The following ARHGEF19 variants were observed in gnomAD, a reference collection of about 807,000 sequenced individuals.
ARHGEF19 encodes Rho guanine nucleotide exchange factor 19.
ARHGEF19 carries 92 observed loss-of-function variants against 87.6 expected under a neutral mutation model. The observed-to-expected ratio is 1.05, with a 90% CI of 0.89 to 1.25. The LOEUF (loss-of-function observed/expected upper bound fraction) is 1.25, where lower values mean the gene tolerates loss of function less well. ARHGEF19 is among the 50% of genes most tolerant of loss of function. The probability of loss-of-function intolerance (pLI) is 0.00; values close to 1 mark genes in which losing one functional copy is unlikely to be tolerated. For missense variants in ARHGEF19, 1,054 were observed against 1,051.8 expected, an observed-to-expected ratio of 1.00 and a Z score of -0.03; for synonymous variants, 438 against 446.2, an observed-to-expected ratio of 0.98 and a Z score of 0.23.
At position 16,207,667 on chromosome 1, in the gene ARHGEF19, G is replaced by A. The variant is rs1304255007; in HGVS notation, c.797+8C>T. 2.5e-6 allele frequency: 4 copies of A among 1,614,000 alleles called. No individual in the cohort carries two copies. In the East Asian group the frequency reaches 6.7e-5, roughly 27 times the overall value. On this transcript the variant is annotated splice_region_variant and intron_variant, in intron 4 of 15. Coordinates refer to ENST00000270747, the MANE Select transcript of ARHGEF19 (RefSeq NM_153213.5). This position sits in a 1 kb window ranked among gnomAD's most constrained non-coding sequence, Gnocchi z 4.0. ...GTCTCGGACCCAAGCCCAAACGGGA[G>A]GTGGTACCTGGGCTCGGACCAATCG...
Position 16,207,204 on chromosome 1 carries a change from A to G in ARHGEF19, c.881T>C (p.Leu294Pro), listed in dbSNP as rs1437465285. 6 of 1,523,086 alleles carry G rather than the reference A, an allele frequency of 3.9e-6. No homozygotes were observed. The highest frequency in any genetic ancestry group is 5.3e-6 in the Non-Finnish European group (6 of 1,140,314). The allele number at this position is 1,523,086 out of a possible 1,614,324, so 94.3% of individuals were successfully genotyped here. Residue 294 changes from leucine to proline, a missense_variant, in exon 6 of 16, where the codon CTC becomes CCC. Physicochemically the swap from Leu to Pro is moderately conservative, Grantham distance 98 (BLOSUM62 -3). Transcript: ENST00000270747. This position sits in a 1 kb window ranked among gnomAD's most constrained non-coding sequence, Gnocchi z 4.0. The part of the protein sequence containing the change: ...RQSRFLLNSV[L>P]YQEYSDVASA... Reference sequence around the variant, plus strand: ...GGCCACGTCGCTGTATTCCTGATAGAGGACGGCTGGGGGAAAGACGGGCGG... The same window carrying G: ...GGCCACGTCGCTGTATTCCTGATAGGGGACGGCTGGGGGAAAGACGGGCGG...
chr1:16,205,805 G>C lies in ARHGEF19; in HGVS notation c.1451+126C>G. 2 of 1,488,438 alleles carry C rather than the reference G, an allele frequency of 1.3e-6. No homozygotes were observed. Among genetic ancestry groups the C allele is most frequent in the Non-Finnish European group, 1.8e-6 (2 of 1,111,784 alleles). The allele number at this position is 1,488,438 out of a possible 1,614,324, so 92.2% of individuals were successfully genotyped here. On this transcript the variant is annotated intron_variant, in intron 8 of 15. Coordinates refer to ENST00000270747, the MANE Select transcript of ARHGEF19 (RefSeq NM_153213.5). This position sits in a 1 kb window ranked among gnomAD's most constrained non-coding sequence, Gnocchi z 5.8. ...TTGGGGTTGCATCTCACCTTATCCT[G>C]GTCACAGAGACCTTTTCAGGGACCC... is the stretch of plus-strand genomic sequence containing the variant.
intron 2 of ARHGEF19, 29 bp downstream of exon 2, chr1:16,208,614 C>G (rs766077517): frequency 6.4e-7 from 1 of 1,569,788 alleles, no homozygotes; most frequent in East Asian, 2.3e-5. Flanking sequence ...GCCATGGCAC[C>G]CACACCCGCC....
chr1:16,212,588 G>A lies in ARHGEF19; in HGVS notation c.-116C>T, dbSNP rs2081206623. 6.6e-6 allele frequency: 1 copy of A among 152,568 alleles called. No homozygotes were observed. Among genetic ancestry groups the A allele is most frequent in the South Asian group, 2.1e-4 (1 of 4,836 alleles). 9.5% of individuals were successfully genotyped at this position (152,568 alleles called of 1,614,324 possible). The stretch of plus-strand genomic sequence containing the variant: ...CTCTGGGGTTGCAGCCAAGTCCTCA[G>A]GGGGCGATGTCAGCATGTCAGCATG... On this transcript the variant is annotated 5_prime_UTR_variant, in exon 1 of 16. Coordinates refer to ENST00000270747, the MANE Select transcript of ARHGEF19 (RefSeq NM_153213.5).
intron 1 of ARHGEF19, among the ~76,000 whole-genome samples, 174 bp downstream of exon 1, chr1:16,212,328 G>A (rs1165732124): frequency 1.3e-5 from 2 of 152,208 alleles, no homozygotes; most frequent in African/African-American, 4.8e-5. Flanking sequence ...AATAAAGCCA[G>A]GTGGGAAGTC....
Position 16,204,866 on chromosome 1 carries a change from T to C in ARHGEF19, c.1800A>G (p.Val600=), listed in dbSNP as rs1393704790. Residue 600 remains valine, a synonymous_variant, in exon 12 of 16, where the codon GTA becomes GTG. Transcript: ENST00000270747. ...GTGCTGCAGGCAGTGGTGCCAGCTC[T>C]ACCAACTCTCCATGCCGAACCAGCC... ...ARWLVRHGEL[V]ELAPLPAAPP... 5 of 1,603,312 alleles carry C rather than the reference T, an allele frequency of 3.1e-6. No homozygotes were observed. Among genetic ancestry groups the C allele is most frequent in the Non-Finnish European group, 4.3e-6 (5 of 1,175,202 alleles).
Position 16,207,174 on chromosome 1 carries a change from G to T in ARHGEF19, c.911C>A (p.Ala304Asp). ...GCGCTGCTGCCGCCGCAGTTCGCGG[G>T]CGCTGGCCACGTCGCTGTATTCCTG... The part of the protein sequence containing the change: ...LYQEYSDVAS[A>D]RELRRQQREE... Residue 304 changes from alanine (A) to aspartate (D), a missense_variant, in exon 6 of 16, where the codon GCC (alanine) becomes GAC (aspartate). By Grantham distance (126) the Ala-to-Asp change is moderately radical. Coordinates refer to ENST00000270747, the MANE Select transcript of ARHGEF19 (RefSeq NM_153213.5). This position sits in a 1 kb window ranked among gnomAD's most constrained non-coding sequence, Gnocchi z 4.0. 3.3e-6 allele frequency: 5 copies of T among 1,530,818 alleles called. No homozygotes were observed. Among genetic ancestry groups the T allele is most frequent in the Non-Finnish European group, 4.4e-6 (5 of 1,142,946 alleles). The allele number at this position is 1,530,818 out of a possible 1,614,324, so 94.8% of individuals were successfully genotyped here.
rs2081114442 is a variant in ARHGEF19 at position 16,205,026 on chromosome 1, G to A, written c.1746+61C>T. 1.3e-6 allele frequency: 2 copies of A among 1,563,218 alleles called. No homozygotes were observed. Among genetic ancestry groups the A allele is most frequent in the Non-Finnish European group, 1.7e-6 (2 of 1,153,198 alleles). Reference sequence around the variant, plus strand: ...CGATTAACTGGCCTGAAGCCCCCAGGGCAAGGAAGAAACAAGAGCTGCCCC... The same window carrying A: ...CGATTAACTGGCCTGAAGCCCCCAGAGCAAGGAAGAAACAAGAGCTGCCCC... On this transcript the variant is annotated intron_variant, in intron 11 of 15. Coordinates refer to ENST00000270747, the MANE Select transcript of ARHGEF19 (RefSeq NM_153213.5). The surrounding 1 kb of genome is among the most constrained non-coding windows in gnomAD (Gnocchi z 5.8).
rs3832000 is a variant in ARHGEF19 at position 16,207,335 on chromosome 1, AATTC to A, written c.875-129_875-126del. ...GCGGTTCGGATATCTGGACACAGTG[AATTC>A]ATTCATTCATTCATTCATTCCATAA... On this transcript the variant is annotated intron_variant, in intron 5 of 15. Coordinates refer to ENST00000270747, the MANE Select transcript of ARHGEF19 (RefSeq NM_153213.5). The surrounding 1 kb of genome is among the most constrained non-coding windows in gnomAD (Gnocchi z 4.0). The A allele has an allele frequency of 0.73, 875,976 of 1,201,728 alleles. 325,841 individuals carry two copies. Among genetic ancestry groups the A allele is most frequent in the East Asian group, 0.87 (33,493 of 38,374 alleles). 74.4% of individuals were successfully genotyped at this position (1,201,728 alleles called of 1,614,324 possible).
Position 16,208,637 on chromosome 1 carries a change from A to C in ARHGEF19, c.412+6T>G, listed in dbSNP as rs2081167839. On this transcript the variant is annotated splice_donor_region_variant and intron_variant, in intron 2 of 15. Coordinates refer to ENST00000270747, the MANE Select transcript of ARHGEF19 (RefSeq NM_153213.5). ...ACCCACACCCGCCTTCCCCAGGGTG[A>C]CTCACAGGCAGACTTCTTCTCCGAG... 2 of 1,596,384 alleles carry C rather than the reference A, an allele frequency of 1.3e-6. No individual in the cohort carries two copies. Among genetic ancestry groups the C allele is most frequent in the African/African-American group, 2.7e-5 (2 of 74,014 alleles).
chr1:16,208,358 G>C, intron 2 of ARHGEF19, 133 bp from the exon 3 acceptor site: 1 of 1,223,118 alleles, frequency 8.2e-7, no homozygotes. Context: ...GTTTCTGCTA[G>C]CATCTGGTCC....
chr1:16,208,731 G>T lies in ARHGEF19; in HGVS notation c.324C>A (p.Ala108=). 6.2e-7 allele frequency: 1 copy of T among 1,609,852 alleles called. No homozygotes were observed. The highest frequency in any genetic ancestry group is 8.5e-7 in the Non-Finnish European group (1 of 1,178,608). Residue 108 remains alanine, a synonymous_variant, in exon 2 of 16, where the codon GCC becomes GCA. Coordinates refer to ENST00000270747, the MANE Select transcript of ARHGEF19 (RefSeq NM_153213.5). ...RAGSWPHCPG[A]QPPALEGPWS... ...AGGGTCCCTCCAGAGCTGGGGGCTG[G>T]GCACCAGGACAGTGTGGCCAGCTGC...
rs572545970 is a variant in ARHGEF19 at position 16,202,126 on chromosome 1, G to A, written c.2067-265C>T. Reference sequence around the variant, plus strand: ...TCCTGCCTAATGCCACAGTCCTGAAGCCAGAGATAGCAGGGTGTGGAGGTT... The same window carrying A: ...TCCTGCCTAATGCCACAGTCCTGAAACCAGAGATAGCAGGGTGTGGAGGTT... On this transcript the variant is annotated intron_variant, in intron 13 of 15. Transcript: ENST00000270747. Among the ~76,000 whole-genome samples, 4 of 152,252 alleles carry A rather than the reference G, an allele frequency of 2.6e-5. No individual in the cohort carries two copies. The South Asian group carries it at 8.3e-4, about 32-fold the overall frequency.
In ARHGEF19 at chr1:16,205,280, T is replaced by C; in HGVS notation, c.1656+71A>G. 6.2e-7 allele frequency: 1 copy of C among 1,608,586 alleles called. No individual in the cohort carries two copies. The highest frequency in any genetic ancestry group is 8.5e-7 in the Non-Finnish European group (1 of 1,175,910). On this transcript the variant is annotated intron_variant, in intron 10 of 15. Transcript: ENST00000270747. This position sits in a 1 kb window ranked among gnomAD's most constrained non-coding sequence, Gnocchi z 5.8. ...ACCGGAGACTCTGACAGCTGGGGGCTGTTTTAGAGACGTGCTGGGGGTCCA... is the reference window on the plus strand; with the variant it reads ...ACCGGAGACTCTGACAGCTGGGGGCCGTTTTAGAGACGTGCTGGGGGTCCA...
chr1:16,201,909 C>G lies in ARHGEF19; in HGVS notation c.2067-48G>C, dbSNP rs202195679. On this transcript the variant is annotated intron_variant, in intron 13 of 15. Coordinates refer to ENST00000270747, the MANE Select transcript of ARHGEF19 (RefSeq NM_153213.5). ...TGTCACAATATGCAAAGTGCAGTTG[C>G]CCAGGGCAGGGTGCTGAAACCAAGG... The G allele has an allele frequency of 5.7e-4, 901 of 1,593,898 alleles. 10 individuals are homozygous for G. In the South Asian group the frequency reaches 8.8e-3, roughly 16 times the overall value.
chr1:16,205,784 G>A lies in ARHGEF19; in HGVS notation c.1452-117C>T. The A allele has an allele frequency of 1.3e-6, 2 of 1,487,106 alleles. No homozygotes were observed. The highest frequency in any genetic ancestry group is 2.3e-5 in the Admixed American group (1 of 42,990). 92.1% of individuals were successfully genotyped at this position (1,487,106 alleles called of 1,614,324 possible). A position where few individuals can be genotyped will look rare whatever the true frequency, so the allele number is the denominator to read the frequency against. The stretch of plus-strand genomic sequence containing the variant: ...TCAGCACATCCTTACTGCCCTTTGG[G>A]GTTGCATCTCACCTTATCCTGGTCA... On this transcript the variant is annotated intron_variant, in intron 8 of 15. Coordinates refer to ENST00000270747, the MANE Select transcript of ARHGEF19 (RefSeq NM_153213.5). This position sits in a 1 kb window ranked among gnomAD's most constrained non-coding sequence, Gnocchi z 5.8.
rs767107706 is a variant in ARHGEF19, at chr1:16,201,842, T to A, written c.2086A>T (p.Ile696Phe). ...GGGCTGGAGGGGCACAAGGCTGAGA[T>A]CCATCGCTGCTTCTCACTTCTAGGG... ...ARTESEKQRW[I>F]SALCPSSPQE... Residue 696 changes from isoleucine to phenylalanine, a missense_variant, in exon 14 of 16, where the codon ATC (isoleucine) becomes TTC (phenylalanine). Transcript: ENST00000270747. The A allele has an allele frequency of 6.2e-7, 1 of 1,613,836 alleles. No homozygotes were observed. The highest frequency in any genetic ancestry group is 8.5e-7 in the Non-Finnish European group (1 of 1,179,850).
At chr1:16,212,452 A>G (rs2100300729) in intron 1 of ARHGEF19, 50 bp downstream of exon 1, 1 of 152,894 alleles carries the variant, frequency 6.5e-6, no homozygotes, top group Admixed American at 6.5e-5. Context: ...CTCAGCGGGG[A>G]AAACTGGCGG....
At position 16,207,845 on chromosome 1, in the gene ARHGEF19, G is replaced by T; in HGVS notation, c.695-68C>A. The T allele has an allele frequency of 6.3e-7, 1 of 1,586,666 alleles. No individual in the cohort carries two copies. Among genetic ancestry groups the T allele is most frequent in the Non-Finnish European group, 8.6e-7 (1 of 1,168,130 alleles). ...GCCTGGGGCCTGGGCCCCGGCCCAG[G>T]CACCCTGACGGCCTCAGGCGGCCGG... On this transcript the variant is annotated intron_variant, in intron 3 of 15. Coordinates refer to ENST00000270747, the MANE Select transcript of ARHGEF19 (RefSeq NM_153213.5). The surrounding 1 kb of genome is among the most constrained non-coding windows in gnomAD (Gnocchi z 4.0).
Sources: gnomAD v4.1 joint callset for allele counts (sites outside exome capture counted in the v4.1 genomes callset) on GRCh38, gnomAD v4.1.1 for gene constraint, Gnocchi (gnomAD v3.1) non-coding constraint, MANE v1.5 for transcripts, NCBI Gene and HGNC (gene_info 2026-07-23, HGNC 2026-07-21) for gene names.